The following PRSS48 variants were observed in gnomAD, a reference collection of about 807,000 sequenced individuals.
PRSS48 encodes the protein serine protease 48.
Under a neutral mutation model 25.6 loss-of-function variants are expected in PRSS48, and 21 were observed. The observed-to-expected ratio is 0.82, with a 90% CI of 0.58 to 1.18. PRSS48 has a LOEUF of 1.18. Among genes scored for constraint, PRSS48 ranks in the 50% most tolerant of loss-of-function variants. PRSS48 has a pLI of 0.00. For synonymous variants in PRSS48, 150 were observed against 149.3 expected (o/e 1.00, Z -0.04); for missense variants, 373 against 399.3 (o/e 0.93, Z 0.56).
intron 1 of PRSS48, 28 bp downstream of exon 1, chr4:151,277,252 C>T (rs1773718676): frequency 6.1e-6 from 9 of 1,464,398 alleles, no homozygotes; most frequent in Non-Finnish European, 7.3e-6. Context: ...GTTGAGAAGG[C>T]AGAGGCAGAG....
At chr4:151,291,692 C>A (rs1775350119), downstream of PRSS48, among the ~76,000 whole-genome samples, 1 of 152,136 alleles carries the variant, frequency 6.6e-6, no homozygotes, top group Admixed American at 6.5e-5. Context: ...AATGTGTCTT[C>A]CAAGGCAGGA....
At chr4:151,282,946 G>C (rs189845114) in intron 3 of PRSS48, among the ~76,000 whole-genome samples, 171 bp from the exon 4 acceptor site, 1 of 152,228 alleles carries the variant, frequency 6.6e-6, no homozygotes, top group African/African-American at 2.4e-5. Flanking sequence ...TAGAATTACT[G>C]AGTTTTAGAT....
At chr4:151,285,160 C>T (rs1242117150) in intron 4 of PRSS48, among the ~76,000 whole-genome samples, 1 of 152,162 alleles carries the variant, frequency 6.6e-6, no homozygotes, top group East Asian at 1.9e-4. Context: ...CTGCTATTGG[C>T]CACTCTCCAC....
intron 1 of PRSS48, among the ~76,000 whole-genome samples, chr4:151,279,379 TC>T (rs1773966026): frequency 6.6e-6 from 1 of 152,146 alleles, no homozygotes; most frequent in African/African-American, 2.4e-5. Context: ...TAAATGATAT[TC>T]CATGTGTGCT....
rs1379389179 is a variant in PRSS48 at position 151,286,196 on chromosome 4, A to AC, written c.651+2910_651+2911insC. The stretch of plus-strand genomic sequence containing the variant: ...ACCCTGTCTTAAAGAAAAAAAAAAA[A>AC]AAAAAAAACAACTAAACCTAAAGAA... On this transcript the variant is annotated intron_variant, in intron 4 of 4. Transcript: ENST00000455694. 1.7e-4 allele frequency among the ~76,000 whole-genome samples: 25 copies of AC among 150,052 alleles called. No homozygotes were observed. In the East Asian group the frequency reaches 3.9e-3, roughly 23 times the overall value.
At chr4:151,288,508 A>G (rs1051280642) in intron 4 of PRSS48, among the ~76,000 whole-genome samples, 1 of 152,168 alleles carries the variant, frequency 6.6e-6, no homozygotes, top group Admixed American at 6.5e-5. Flanking sequence ...GCACTTTGGG[A>G]GGCCAAGGCA....
chr4:151,281,376 T>C (rs989971835), intron 2 of PRSS48, among the ~76,000 whole-genome samples: 5 of 152,166 alleles, frequency 3.3e-5, no homozygotes, highest in African/African-American at 9.7e-5. Flanking sequence ...AATGTTTACA[T>C]AGTCACAAGA....
At chr4:151,286,123 G>A (rs1774732598) in intron 4 of PRSS48, among the ~76,000 whole-genome samples, 1 of 139,758 alleles carries the variant, frequency 7.2e-6, no homozygotes, top group Non-Finnish European at 1.5e-5. Context: ...CAAGGCTGCA[G>A]TGAGCTATAT....
rs1036032661 is a variant in PRSS48, at chr4:151,283,416, C to T, written c.651+130C>T. 37 of 734,058 alleles carry T rather than the reference C, an allele frequency of 5.0e-5. 1 individual carries two copies. In the South Asian group the frequency reaches 7.3e-4, roughly 14 times the overall value. 45.5% of individuals were successfully genotyped at this position (734,058 alleles called of 1,614,324 possible). On this transcript the variant is annotated intron_variant, in intron 4 of 4. Coordinates refer to ENST00000455694, the Ensembl canonical transcript of PRSS48. The stretch of plus-strand genomic sequence containing the variant: ...GTTCTAAGAATAACTCTTATGTTAC[C>T]CTGGACAAATCACTTAACTTCTATC...
chr4:151,283,416 C>A (rs1036032661), intron 4 of PRSS48, 130 bp downstream of exon 4: 1 of 734,174 alleles, frequency 1.4e-6, no homozygotes, highest in African/African-American at 1.8e-5. Context: ...CTTATGTTAC[C>A]CTGGACAAAT....
chr4:151,287,666 G>C (rs1337218377), intron 4 of PRSS48, among the ~76,000 whole-genome samples: 1 of 152,136 alleles, frequency 6.6e-6, no homozygotes, highest in Non-Finnish European at 1.5e-5. Flanking sequence ...AGGCCAAGAC[G>C]GGAGGATCAC....
chr4:151,289,493 T>C (rs1775124435), intron 4 of PRSS48, among the ~76,000 whole-genome samples: 1 of 152,134 alleles, frequency 6.6e-6, no homozygotes, highest in Admixed American at 6.5e-5. Flanking sequence ...GGGATCTGTA[T>C]CTAGAAAAAA....
In PRSS48 at chr4:151,291,323, T is replaced by C. The variant is rs117303916; in HGVS notation, c.857T>C (p.Leu286Pro). 2,083 of 1,613,996 alleles carry C rather than the reference T, an allele frequency of 1.3e-3. 14 individuals are homozygous for C. In the Admixed American group the frequency reaches 0.016, roughly 13 times the overall value. The change falls in exon 5 of 5, where the codon CTG becomes CCG. Residue 286 changes from leucine to proline, a missense_variant. Leu to Pro is a moderately conservative substitution (Grantham distance 98, BLOSUM62 -3). Coordinates refer to ENST00000455694, the Ensembl canonical transcript of PRSS48. The stretch of plus-strand genomic sequence containing the variant: ...TTGTTCCCTATTGTCCTACTCTCTC[T>C]GGCTCTCCTGCGTCCCTCCTGTGCC...
chr4:151,283,600 C>T (rs186154257), intron 4 of PRSS48, among the ~76,000 whole-genome samples: 98 of 151,044 alleles, frequency 6.5e-4, no homozygotes, highest in Middle Eastern at 6.8e-3. Flanking sequence ...TTACTACAGC[C>T]TCCAGCTCCT....
At chr4:151,281,536 C>T (rs1774236000) in intron 2 of PRSS48, among the ~76,000 whole-genome samples, 1 of 152,006 alleles carries the variant, frequency 6.6e-6, no homozygotes, top group African/African-American at 2.4e-5. Flanking sequence ...GATTCTAAAA[C>T]TGAAAAAGAA....
chr4:151,282,425 CAG>C lies in PRSS48; in HGVS notation c.481+18_481+19del. The C allele has an allele frequency of 6.2e-7, 1 of 1,613,086 alleles. No homozygotes were observed. Among genetic ancestry groups the C allele is most frequent in the East Asian group, 2.2e-5 (1 of 44,866 alleles). ...TAAGGAAAGTTCAGGTGAGAATGGG[CAG>C]AGAGAAGGGTTGTTTCATATGTCAT... On this transcript the variant is annotated intron_variant, in intron 3 of 4. Coordinates refer to ENST00000455694, the Ensembl canonical transcript of PRSS48.
chr4:151,281,500 C>A (rs1420933844), intron 2 of PRSS48, among the ~76,000 whole-genome samples: 1 of 152,018 alleles, frequency 6.6e-6, no homozygotes, highest in Non-Finnish European at 1.5e-5. Context: ...AAAGCTCAAT[C>A]CTCACCTTCC....
At chr4:151,290,042 C>G (rs1775173185) in intron 4 of PRSS48, among the ~76,000 whole-genome samples, 1 of 152,208 alleles carries the variant, frequency 6.6e-6, no homozygotes, top group Non-Finnish European at 1.5e-5. Flanking sequence ...GTAAACATGG[C>G]TCAAGCAATA....
intron 3 of PRSS48, 129 bp from the exon 4 acceptor site, chr4:151,282,988 A>G: frequency 1.4e-6 from 1 of 707,628 alleles, no homozygotes; most frequent in Non-Finnish European, 2.4e-6. Context: ...CCCATAAGCA[A>G]ATATGATTGG....
Sources: allele counts gnomAD v4.1 joint callset (sites outside exome capture counted in the v4.1 genomes callset), GRCh38; gene constraint gnomAD v4.1.1; transcripts MANE v1.5; gene names NCBI Gene and HGNC (gene_info 2026-07-23, HGNC 2026-07-21).